Variants in NME7 observed in about 807,000 individuals in gnomAD.
NME7 encodes nucleoside diphosphate kinase 7.
Under a neutral mutation model 49.1 loss-of-function variants are expected in NME7, and 41 were observed. The observed-to-expected ratio is 0.83, with a 90% CI of 0.65 to 1.08. The LOEUF is 1.08. Ranked by LOEUF, NME7 falls within the 50% of genes least tolerant of loss-of-function variation. The probability of loss-of-function intolerance (pLI) is 0.00; values close to 1 mark genes in which losing one functional copy is unlikely to be tolerated. For synonymous variants in NME7, 139 were observed against 150.6 expected, an observed-to-expected ratio of 0.92 and a Z score of 0.56; for missense variants, 423 against 463.4, an observed-to-expected ratio of 0.91 and a Z score of 0.80.
intron 1 of NME7, among the ~76,000 whole-genome samples, chr1:169,364,374 G>C (rs1653772200): frequency 6.6e-6 from 1 of 152,130 alleles, no homozygotes; most frequent in Non-Finnish European, 1.5e-5. Flanking sequence ...AGTGTGGAGG[G>C]GAAAGCTCTG....
intron 6 of NME7, among the ~76,000 whole-genome samples, chr1:169,292,293 C>T (rs988889800): frequency 2.6e-5 from 4 of 152,092 alleles, no homozygotes; most frequent in East Asian, 3.9e-4. Flanking sequence ...AGACTTGACA[C>T]CTAAAGCACA....
At chr1:169,216,256 G>A (rs1253881733) in intron 10 of NME7, among the ~76,000 whole-genome samples, 1 of 152,222 alleles carries the variant, frequency 6.6e-6, no homozygotes, top group Non-Finnish European at 1.5e-5. Flanking sequence ...AAAGATCAAT[G>A]TATGATCAGA....
chr1:169,179,080 C>G (rs2101745792), intron 10 of NME7, among the ~76,000 whole-genome samples: 1 of 152,254 alleles, frequency 6.6e-6, no homozygotes, highest in South Asian at 2.1e-4. Flanking sequence ...CTCGGCCTCC[C>G]AAGGTGCTGG....
At chr1:169,354,255 T>C (rs540542476) in intron 1 of NME7, among the ~76,000 whole-genome samples, 13 of 152,144 alleles carry the variant, frequency 8.5e-5, no homozygotes, top group Admixed American at 4.6e-4. Context: ...CATAATGGAA[T>C]TAAAGGTCAT....
chr1:169,279,981 A>C (rs75457623), intron 7 of NME7, among the ~76,000 whole-genome samples: 3,185 of 152,300 alleles, frequency 0.021, 115 homozygotes, highest in African/African-American at 0.073. Context: ...TATGCCTAGT[A>C]ATGGGATTGC....
intron 10 of NME7, among the ~76,000 whole-genome samples, chr1:169,218,369 A>T (rs149243312): frequency 1.4e-4 from 22 of 152,200 alleles, no homozygotes; most frequent in African/African-American, 5.1e-4. Context: ...AGGCAGGAGG[A>T]TCACTTGAAC....
chr1:169,164,474 T>A (rs1659346497), intron 11 of NME7, among the ~76,000 whole-genome samples: 1 of 152,174 alleles, frequency 6.6e-6, no homozygotes, highest in African/African-American at 2.4e-5. Flanking sequence ...CACAATGATA[T>A]TTGATAGGGC....
chr1:169,337,159 G>A (rs1203657879), intron 1 of NME7, among the ~76,000 whole-genome samples: 1 of 152,216 alleles, frequency 6.6e-6, no homozygotes, highest in Non-Finnish European at 1.5e-5. Context: ...GGGCTGCACA[G>A]GAACCCACGG....
intron 7 of NME7, among the ~76,000 whole-genome samples, chr1:169,283,180 T>C (rs1346104047): frequency 1.3e-5 from 2 of 152,074 alleles, no homozygotes; most frequent in Non-Finnish European, 2.9e-5. Context: ...TTGTGCATTG[T>C]TCCCTTTACC....
intron 11 of NME7, among the ~76,000 whole-genome samples, chr1:169,159,319 G>A (rs1169796746): frequency 1.3e-5 from 2 of 152,130 alleles, no homozygotes; most frequent in African/African-American, 2.4e-5. Context: ...AGGAGACTGG[G>A]TGACTGATGG....
intron 4 of NME7, 47 bp downstream of exon 4, chr1:169,309,923 T>C: frequency 9.3e-7 from 1 of 1,076,456 alleles, no homozygotes; most frequent in Non-Finnish European, 1.4e-6. Context: ...AATGATTTTT[T>C]AAAAAGGAAT....
intron 11 of NME7, among the ~76,000 whole-genome samples, chr1:169,133,682 A>G (rs939925530): frequency 5.9e-5 from 9 of 152,246 alleles, no homozygotes; most frequent in African/African-American, 2.2e-4. Context: ...TGAAGTCTTT[A>G]GGAGACTTCA....
Position 169,174,202 on chromosome 1 carries a change from C to A in NME7, c.991-4648G>T, listed in dbSNP as rs185712881. On this transcript the variant is annotated intron_variant, in intron 10 of 11. Transcript: ENST00000367811. ...GCACCAAATATAGAATAGTGATTGG[C>A]AAAATACTGAAAATAAAGAAGGGAA... 3.0e-3 allele frequency among the ~76,000 whole-genome samples: 463 copies of A among 152,158 alleles called. 1 individual carries two copies. Among genetic ancestry groups the A allele is most frequent in the Middle Eastern group, 6.8e-3 (2 of 294 alleles).
Position 169,265,750 on chromosome 1 carries a change from A to G in NME7, c.754+21553T>C, listed in dbSNP as rs767708257. ...AGCTAGACAAATAAAGAAAAAAGAT[A>G]CAAATAAACACAATCAGAAATGACA... On this transcript the variant is annotated intron_variant, in intron 7 of 11. Transcript: ENST00000367811. Among the ~76,000 whole-genome samples, 19 of 130,820 alleles carry G rather than the reference A, an allele frequency of 1.5e-4. 6 individuals carry two copies. The highest frequency in any genetic ancestry group is 3.1e-4 in the Non-Finnish European group (17 of 55,388). 85.8% of individuals were successfully genotyped at this position (130,820 alleles called of 152,430 possible).
chr1:169,359,367 A>G (rs1454941725), intron 1 of NME7, among the ~76,000 whole-genome samples: 1 of 151,916 alleles, frequency 6.6e-6, no homozygotes, highest in African/African-American at 2.4e-5. Context: ...TGTAGTTCTT[A>G]AAACTGATCT....
intron 7 of NME7, among the ~76,000 whole-genome samples, chr1:169,262,045 A>G (rs1649181307): frequency 7.5e-6 from 1 of 134,162 alleles, no homozygotes; most frequent in Admixed American, 7.3e-5. Context: ...ATGTGCTTGT[A>G]GAGTCTCCTC....
intron 9 of NME7, among the ~76,000 whole-genome samples, chr1:169,234,188 C>A (rs1281578979): frequency 6.6e-6 from 1 of 152,116 alleles, no homozygotes; most frequent in East Asian, 1.9e-4. Context: ...AACAAAAAAA[C>A]AACCTTTCTG....
chr1:169,235,341 A>G, intron 8 of NME7, 142 bp from the exon 9 acceptor site: 1 of 494,840 alleles, frequency 2.0e-6, no homozygotes, highest in Admixed American at 4.1e-5. Context: ...TTGAAGAAAA[A>G]GTGTTATTAA....
rs547583627 is a variant in NME7 at position 169,135,264 on chromosome 1, C to A, written c.1099-2447G>T. On this transcript the variant is annotated intron_variant, in intron 11 of 11. Transcript: ENST00000367811. ...TAGCATGCCCTGTCTGCTCCAGCTG[C>A]ACCTAATACCAGAGGGAACTGCTCC... Among the ~76,000 whole-genome samples, 15 of 152,226 alleles carry A rather than the reference C, an allele frequency of 9.9e-5. No homozygotes were observed. The South Asian group carries it at 2.7e-3, about 27-fold the overall frequency.
Sources: gnomAD v4.1 joint callset for allele counts (sites outside exome capture counted in the v4.1 genomes callset) on GRCh38, gnomAD v4.1.1 for gene constraint, MANE v1.5 for transcripts, NCBI Gene and HGNC (gene_info 2026-07-23, HGNC 2026-07-21) for gene names.